Variants in SNX10 observed in about 807,000 individuals in gnomAD.
SNX10 encodes the protein sorting nexin 10, also known as sorting nexin-10.
SNX10 carries 25 observed loss-of-function variants against 28.5 expected under a neutral mutation model. The ratio of observed to expected loss-of-function variants is 0.88; its 90% confidence interval spans 0.64 to 1.22. The LOEUF (loss-of-function observed/expected upper bound fraction) is 1.22. Ranked by LOEUF, SNX10 falls within the 50% of genes most tolerant of loss-of-function variation. The pLI, the probability that SNX10 is intolerant of heterozygous loss-of-function variation, is 0.00. For synonymous variants in SNX10, 62 were observed against 81.4 expected (o/e 0.76, Z 1.28); for missense variants, 223 against 242.6 (o/e 0.92, Z 0.54).
At chr7:26,318,559 C>T (rs1171794976) in intron 1 of SNX10, among the ~76,000 whole-genome samples, 3 of 152,158 alleles carry the variant, frequency 2.0e-5, no homozygotes, top group Admixed American at 6.5e-5. Context: ...TCTCTGCCTC[C>T]TGGGCTCAAA....
At chr7:26,370,193 A>T (rs1789463567) in intron 5 of SNX10, among the ~76,000 whole-genome samples, 1 of 152,242 alleles carries the variant, frequency 6.6e-6, no homozygotes, top group Non-Finnish European at 1.5e-5. Context: ...GACTTCACAG[A>T]CTTCACGATC....
Position 26,358,805 on chromosome 7 carries a change from G to GTTTTTTTTTTTTTTTTTT in SNX10, c.25-2168_25-2151dup, listed in dbSNP as rs35527687. Among the ~76,000 whole-genome samples, 115 of 100,088 alleles carry GTTTTTTTTTTTTTTTTTT rather than the reference G, an allele frequency of 1.1e-3. 12 individuals are homozygous for GTTTTTTTTTTTTTTTTTT. The highest frequency in any genetic ancestry group is 3.8e-3 in the African/African-American group (86 of 22,676). The allele number at this position is 100,088 out of a possible 152,430, so 65.7% of individuals were successfully genotyped here. On this transcript the variant is annotated intron_variant, in intron 2 of 6. Coordinates refer to ENST00000338523, the MANE Select transcript of SNX10 (RefSeq NM_013322.3). The stretch of plus-strand genomic sequence containing the variant: ...GAGCATCACTATAGTGTTATCTTGT[G>GTTTTTTTTTTTTTTTTTT]TTTTTTTTTTTTTTTTTTTGACCAA...
chr7:26,357,031 A>G, intron 2 of SNX10: 4 of 1,194,918 alleles, frequency 3.3e-6, no homozygotes, highest in Middle Eastern at 2.4e-4. Flanking sequence ...ATTAAATGAT[A>G]CTAATGGAAG....
At chr7:26,293,498 G>A (rs965134930) in intron 1 of SNX10, among the ~76,000 whole-genome samples, 1 of 152,176 alleles carries the variant, frequency 6.6e-6, no homozygotes, top group Non-Finnish European at 1.5e-5. Context: ...GAGCCACTGC[G>A]CTCGGCCTTT....
chr7:26,321,586 T>G (rs1787309929), intron 1 of SNX10, among the ~76,000 whole-genome samples: 1 of 152,154 alleles, frequency 6.6e-6, no homozygotes, highest in South Asian at 2.1e-4. Flanking sequence ...CCTTTCCAGG[T>G]CAGGTGCACT....
chr7:26,297,401 G>A (rs953685070), intron 1 of SNX10, among the ~76,000 whole-genome samples: 2 of 152,088 alleles, frequency 1.3e-5, no homozygotes, highest in Non-Finnish European at 2.9e-5. Context: ...GCCAGAAGAT[G>A]GTTTTTAGAA....
At chr7:26,335,333 T>C (rs1408611778) in intron 1 of SNX10, among the ~76,000 whole-genome samples, 1 of 152,216 alleles carries the variant, frequency 6.6e-6, no homozygotes, top group South Asian at 2.1e-4. Context: ...CAGTTTCTCT[T>C]TCATCACTTT....
In SNX10 at chr7:26,364,305, A is replaced by C; in HGVS notation, c.112-230A>C. ...TCAGGATGCAGGGAGTGGCCAGGTC[A>C]TACCTCACCCTGGGGCAACACTGCT... On this transcript the variant is annotated intron_variant, in intron 3 of 6. Transcript: ENST00000338523. The surrounding 1 kb of genome is among the most constrained non-coding windows in gnomAD (Gnocchi z 4.9). The C allele has an allele frequency of 8.1e-7, 1 of 1,233,208 alleles. No individual in the cohort carries two copies. The highest frequency in any genetic ancestry group is 1.0e-6 in the Non-Finnish European group (1 of 985,058). 76.4% of individuals were successfully genotyped at this position (1,233,208 alleles called of 1,614,324 possible). A position where few individuals can be genotyped will look rare whatever the true frequency, so the allele number is the denominator to read the frequency against.
chr7:26,341,841 A>G (rs181728522), intron 1 of SNX10, among the ~76,000 whole-genome samples: 1 of 151,962 alleles, frequency 6.6e-6, no homozygotes, highest in Admixed American at 6.6e-5. Context: ...TTGGAAATCT[A>G]TACAAACCTA....
intron 1 of SNX10, among the ~76,000 whole-genome samples, chr7:26,321,165 G>A (rs1787293640): frequency 6.6e-6 from 1 of 152,172 alleles, no homozygotes; most frequent in Admixed American, 6.5e-5. Flanking sequence ...TTCTTCTTGT[G>A]GCCATTTTCT....
rs1320703681 is a variant in SNX10 at position 26,364,160 on chromosome 7, C to T, written c.112-375C>T. On this transcript the variant is annotated intron_variant, in intron 3 of 6. Coordinates refer to ENST00000338523, the MANE Select transcript of SNX10 (RefSeq NM_013322.3). The surrounding 1 kb of genome is among the most constrained non-coding windows in gnomAD (Gnocchi z 4.9). ...AAGCCCCAAAGTTTCCTCCAGCTTA[C>T]GTGGATGGTGGTAAAATGCAACGGA... Among the ~76,000 whole-genome samples the T allele has an allele frequency of 6.6e-6, 1 of 152,166 alleles. No individual in the cohort carries two copies. The highest frequency in any genetic ancestry group is 2.4e-5 in the African/African-American group (1 of 41,434).
intron 1 of SNX10, among the ~76,000 whole-genome samples, chr7:26,340,505 A>G (rs1441088861): frequency 6.6e-6 from 1 of 152,234 alleles, no homozygotes; most frequent in African/African-American, 2.4e-5. Context: ...TTTGCATTTT[A>G]TAGAAAAAGT....
rs34141958 is a variant in SNX10 at position 26,367,699 on chromosome 7, C to T, written c.311+2554C>T. On this transcript the variant is annotated intron_variant, in intron 5 of 6. Coordinates refer to ENST00000338523, the MANE Select transcript of SNX10 (RefSeq NM_013322.3). The stretch of plus-strand genomic sequence containing the variant: ...TCCCCTCACCCAACCAGGGTCCACT[C>T]TAGGGAACTGGATGTGATGTGTACC... Among the ~76,000 whole-genome samples the T allele has an allele frequency of 6.0e-3, 910 of 152,282 alleles. 4 individuals carry two copies. Among genetic ancestry groups the T allele is most frequent in the Non-Finnish European group, 9.3e-3 (633 of 68,034 alleles).
chr7:26,346,995 C>T (rs962272852), intron 2 of SNX10, among the ~76,000 whole-genome samples: 1 of 152,218 alleles, frequency 6.6e-6, no homozygotes, highest in Non-Finnish European at 1.5e-5. Context: ...ATGCCAGCCC[C>T]GGCTGAGTGT....
intron 1 of SNX10, among the ~76,000 whole-genome samples, chr7:26,325,894 A>C (rs1242071400): frequency 1.3e-5 from 2 of 149,480 alleles, no homozygotes; most frequent in Non-Finnish European, 3.0e-5. Context: ...CACCTGGCTA[A>C]TTTTTGTATT....
At chr7:26,348,715 ACCT>A (rs376413916) in intron 2 of SNX10, among the ~76,000 whole-genome samples, 4 of 151,796 alleles carry the variant, frequency 2.6e-5, no homozygotes, top group African/African-American at 9.7e-5. Flanking sequence ...CAGGATCCAA[ACCT>A]CCTTCTTTCT....
intron 1 of SNX10, among the ~76,000 whole-genome samples, chr7:26,336,726 C>T (rs536910863): frequency 1.3e-5 from 2 of 152,260 alleles, no homozygotes; most frequent in South Asian, 4.1e-4. Context: ...AAAAAATCAA[C>T]AATACTGTTT....
At chr7:26,346,028 A>G (rs961886076) in intron 1 of SNX10, among the ~76,000 whole-genome samples, 1 of 152,200 alleles carries the variant, frequency 6.6e-6, no homozygotes, top group Non-Finnish European at 1.5e-5. Flanking sequence ...TAAAAGCGTC[A>G]GGGCTGCCTC....
At chr7:26,324,277 C>A (rs188479641) in intron 1 of SNX10, among the ~76,000 whole-genome samples, 85 of 148,426 alleles carry the variant, frequency 5.7e-4, no homozygotes, top group African/African-American at 2.0e-3. Context: ...GAGAAAAAAA[C>A]CGTAAGGAAG....
Sources: allele counts gnomAD v4.1 joint callset (sites outside exome capture counted in the v4.1 genomes callset), GRCh38; gene constraint gnomAD v4.1.1; non-coding constraint Gnocchi (gnomAD v3.1); transcripts MANE v1.5; gene names NCBI Gene and HGNC (gene_info 2026-07-23, HGNC 2026-07-21).